FXYD3: variants seen among roughly 807,000 people sequenced by gnomAD.
FXYD3 encodes FXYD domain containing ion transport regulator 3, also known as FXYD domain-containing ion transport regulator 3.
A neutral mutation model predicts 19.2 loss-of-function variants in FXYD3; 13 were observed. That is an observed-to-expected ratio of 0.68 (90% CI 0.44 to 1.08). The LOEUF (loss-of-function observed/expected upper bound fraction) is 1.08. FXYD3 is among the 50% of genes least tolerant of loss of function. FXYD3 has a pLI of 0.00. For synonymous variants in FXYD3, 48 were observed against 38.9 expected (o/e 1.23, Z -0.87); for missense variants, 101 against 109.4 (o/e 0.92, Z 0.34).
chr19:35,118,358 A>C (rs1197727352), intron 2 of FXYD3: 1 of 824 alleles, frequency 1.2e-3, no homozygotes, highest in African/African-American at 1.7e-3. Flanking sequence ...TCCGCCTCAA[A>C]AAAAAAAAAA....
In FXYD3 at chr19:35,115,973, C is replaced by A. The variant is rs566949915; in HGVS notation, c.-111+14C>A. ...AAAAGAAGTGAGGTCGGAACACCAA[C>A]GCATCATCTCACTGCATGGCCCTGG... On this transcript the variant is annotated intron_variant, in intron 1 of 8. Coordinates refer to ENST00000604404, the MANE Select transcript of FXYD3 (RefSeq NM_005971.4). 6.6e-6 allele frequency: 1 copy of A among 152,382 alleles called. No individual in the cohort carries two copies. Among genetic ancestry groups the A allele is most frequent in the African/African-American group, 2.4e-5 (1 of 41,458 alleles). 9.4% of individuals were successfully genotyped at this position (152,382 alleles called of 1,614,324 possible).
intron 5 of FXYD3, 85 bp downstream of exon 5, chr19:35,121,330 C>T (rs202177696): frequency 1.8e-5 from 29 of 1,614,050 alleles, no homozygotes; most frequent in South Asian, 2.2e-5. Context: ...TGGGGCCTGA[C>T]GTGAGCATCA....
chr19:35,122,973 A>G lies in FXYD3; in HGVS notation c.209+19A>G. On this transcript the variant is annotated intron_variant, in intron 7 of 8. Coordinates refer to ENST00000604404, the MANE Select transcript of FXYD3 (RefSeq NM_005971.4). ...AGTCCGGGTAAGATACTGTTCCGGC[A>G]TGCCCGCCTCAGGCTGACTGGACGC... 6.4e-7 allele frequency: 1 copy of G among 1,566,238 alleles called. No homozygotes were observed. Among genetic ancestry groups the G allele is most frequent in the African/African-American group, 1.3e-5 (1 of 74,076 alleles).
rs543117183 is a variant in FXYD3 at position 35,123,370 on chromosome 19, G to GTA, written c.247+63_247+64insAT. On this transcript the variant is annotated intron_variant, in intron 8 of 8. Coordinates refer to ENST00000604404, the MANE Select transcript of FXYD3 (RefSeq NM_005971.4). ...AAGTGGTGTGTGTGTGTGTGTGTAT[G>GTA]TGTGTGTTTGCACACTGGAAAGAAA... The GTA allele has an allele frequency of 9.1e-4, 1,424 of 1,562,510 alleles. 3 individuals are homozygous for GTA. Among genetic ancestry groups the GTA allele is most frequent in the African/African-American group, 5.2e-3 (376 of 72,892 alleles).
chr19:35,117,293 G>A, intron 2 of FXYD3: 1 of 1,509,046 alleles, frequency 6.6e-7, no homozygotes, highest in Non-Finnish European at 8.8e-7. Flanking sequence ...GTCAGTCTTG[G>A]CTGGATGACA....
In FXYD3 at chr19:35,123,719, G is replaced by T. The variant is rs1170953331; in HGVS notation, c.*262G>T. ...GGCTTGGGGCACCATGAGAAGGTTGGCGTGCCCTGGAGGCTGACACAGAGG... is the reference window on the plus strand; with the variant it reads ...GGCTTGGGGCACCATGAGAAGGTTGTCGTGCCCTGGAGGCTGACACAGAGG... On this transcript the variant is annotated 3_prime_UTR_variant, in exon 9 of 9. Coordinates refer to ENST00000604404, the MANE Select transcript of FXYD3 (RefSeq NM_005971.4). 1.8e-6 allele frequency: 1 copy of T among 560,694 alleles called. No individual in the cohort carries two copies. Among genetic ancestry groups the T allele is most frequent in the African/African-American group, 1.9e-5 (1 of 53,170 alleles). The allele number at this position is 560,694 out of a possible 1,614,324, so 34.7% of individuals were successfully genotyped here. A position where few individuals can be genotyped will look rare whatever the true frequency, so the allele number is the denominator to read the frequency against.
In FXYD3 at chr19:35,123,774, C is replaced by A; in HGVS notation, c.*317C>A. 2.1e-6 allele frequency: 1 copy of A among 477,396 alleles called. No individual in the cohort carries two copies. 29.6% of individuals were successfully genotyped at this position (477,396 alleles called of 1,614,324 possible). On this transcript the variant is annotated 3_prime_UTR_variant, in exon 9 of 9. Coordinates refer to ENST00000604404, the MANE Select transcript of FXYD3 (RefSeq NM_005971.4). The stretch of plus-strand genomic sequence containing the variant: ...CACTGAGCCTGCTTGTTGGGAAAAG[C>A]CCACAGGCCTGTTCCCTTGTGGCTT...
chr19:35,118,010 G>C (rs1206338858), intron 2 of FXYD3: 3 of 152,320 alleles, frequency 2.0e-5, no homozygotes, highest in Admixed American at 6.5e-5. Flanking sequence ...AACACGGCAA[G>C]GTCAGTGTGC....
At position 35,117,370 on chromosome 19, in the gene FXYD3, G is replaced by T. The variant is rs747797389; in HGVS notation, c.-15+1011G>T. 4.0e-6 allele frequency: 6 copies of T among 1,499,224 alleles called. No homozygotes were observed. In the South Asian group the frequency reaches 7.9e-5, roughly 20 times the overall value. The allele number at this position is 1,499,224 out of a possible 1,614,324, so 92.9% of individuals were successfully genotyped here. A position where few individuals can be genotyped will look rare whatever the true frequency, so the allele number is the denominator to read the frequency against. On this transcript the variant is annotated intron_variant, in intron 2 of 8. Transcript: ENST00000604404. ...GGCTTGGAGGAGCCCCTGGAAAGAG[G>T]CTTAAGAGGTGAGACTCAACAGCCA...
At chr19:35,117,360 C>T (rs1438149187) in intron 2 of FXYD3, 1 of 1,506,406 alleles carries the variant, frequency 6.6e-7, no homozygotes, top group Non-Finnish European at 8.9e-7. Flanking sequence ...GGAGGAGCCC[C>T]TGGAAAGAGG....
intron 2 of FXYD3, 75 bp from the exon 3 acceptor site, chr19:35,119,288 G>T: frequency 6.2e-7 from 1 of 1,610,660 alleles, no homozygotes; most frequent in Non-Finnish European, 8.5e-7. Context: ...CAGGGGAGGA[G>T]GGTTGGGGAG....
chr19:35,120,621 T>C (rs2065020099), intron 3 of FXYD3, among the ~76,000 whole-genome samples: 1 of 152,190 alleles, frequency 6.6e-6, no homozygotes, highest in African/African-American at 2.4e-5. Flanking sequence ...AAGTGTATAA[T>C]AGTGAGTCAT....
chr19:35,123,918 C>T lies in FXYD3; in HGVS notation c.*461C>T, dbSNP rs1176506463. 4.8e-6 allele frequency: 1 copy of T among 208,778 alleles called. No individual in the cohort carries two copies. Among genetic ancestry groups the T allele is most frequent in the Non-Finnish European group, 9.8e-6 (1 of 101,888 alleles). 12.9% of individuals were successfully genotyped at this position (208,778 alleles called of 1,614,324 possible). ...GCTCTAACCAGATGGAACACTGGAA[C>T]ATTCCAGTGGACCCTGGACCATTCC... On this transcript the variant is annotated 3_prime_UTR_variant, in exon 9 of 9. Coordinates refer to ENST00000604404, the MANE Select transcript of FXYD3 (RefSeq NM_005971.4).
chr19:35,116,139 T>C (rs867428298), intron 1 of FXYD3, 125 bp from the exon 2 acceptor site: 7 of 664,554 alleles, frequency 1.1e-5, no homozygotes, highest in Middle Eastern at 1.4e-3. Flanking sequence ...GAGGCTGCTG[T>C]GGTCCTGGTG....
chr19:35,122,800 G>C lies in FXYD3; in HGVS notation c.133G>C (p.Ala45Pro). 6.2e-7 allele frequency: 1 copy of C among 1,613,926 alleles called. No individual in the cohort carries two copies. The highest frequency in any genetic ancestry group is 8.5e-7 in the Non-Finnish European group (1 of 1,179,998). The change falls in exon 6 of 9, where the codon GCT (alanine) becomes CCT (proline). Residue 45 changes from alanine to proline, a missense_variant. By Grantham distance (27) the Ala-to-Pro change is conservative. Transcript: ENST00000604404. ...CCTCCAGGTTGGCGGGCTCATCTGC[G>C]CTGGGGTTCTGTGCGCCATGGGCAT... Reference protein sequence around the residue: ...HSLQVGGLICAGVLCAMGIII... With the variant: ...HSLQVGGLICPGVLCAMGIII...
At position 35,122,856 on chromosome 19, in the gene FXYD3, G is replaced by T. The variant is rs150332087; in HGVS notation, c.172+17G>T. 6.2e-7 allele frequency: 1 copy of T among 1,613,816 alleles called. No individual in the cohort carries two copies. Among genetic ancestry groups the T allele is most frequent in the Non-Finnish European group, 8.5e-7 (1 of 1,179,886 alleles). On this transcript the variant is annotated intron_variant, in intron 6 of 8. Transcript: ENST00000604404. ...TCGTCATGAGTGAGTGGAGGAGCTC[G>T]GGGGAGCAGGCGGGCCGGGGCTGGG...
intron 5 of FXYD3, 66 bp downstream of exon 5, chr19:35,121,311 A>G (rs779174494): frequency 1.9e-6 from 3 of 1,613,972 alleles, no homozygotes; most frequent in Non-Finnish European, 2.5e-6. Context: ...AAGGGTTCCC[A>G]TACAGGGTTG....
intron 2 of FXYD3, chr19:35,116,746 T>A (rs1463846184): frequency 2.0e-6 from 2 of 985,018 alleles, no homozygotes; most frequent in Non-Finnish European, 2.4e-6. Flanking sequence ...GACATCTGGG[T>A]GGATGAGGAA....
chr19:35,121,072 C>T lies in FXYD3; in HGVS notation c.41-6C>T. On this transcript the variant is annotated splice_region_variant and splice_polypyrimidine_tract_variant and intron_variant, in intron 3 of 8. Coordinates refer to ENST00000604404, the MANE Select transcript of FXYD3 (RefSeq NM_005971.4). The stretch of plus-strand genomic sequence containing the variant: ...ATCTCCCCTCCTTCCCCTCTTCTCC[C>T]ACTAGGCTTTCCTGTCCTGGACGCC... 2.5e-6 allele frequency: 4 copies of T among 1,612,590 alleles called. No individual in the cohort carries two copies. Among genetic ancestry groups the T allele is most frequent in the Non-Finnish European group, 2.5e-6 (3 of 1,180,010 alleles).
Sources: allele counts gnomAD v4.1 joint callset (sites outside exome capture counted in the v4.1 genomes callset), GRCh38; gene constraint gnomAD v4.1.1; transcripts MANE v1.5; gene names NCBI Gene and HGNC (gene_info 2026-07-23, HGNC 2026-07-21).